Variants in TRPM3 observed in about 807,000 individuals in gnomAD.
TRPM3 encodes the protein long transient receptor potential channel 3.
A neutral mutation model predicts 181.2 loss-of-function variants in TRPM3; 77 were observed. The observed-to-expected ratio is 0.42, with a 90% CI of 0.35 to 0.51. TRPM3 has a LOEUF of 0.51. Ranked by LOEUF, TRPM3 falls within the 20% of genes least tolerant of loss-of-function variation. The probability of loss-of-function intolerance (pLI) is 0.01; values close to 1 mark genes in which losing one functional copy is unlikely to be tolerated. For synonymous variants in TRPM3, 745 were observed against 796.4 expected, an observed-to-expected ratio of 0.94 and a Z score of 1.09; for missense variants, 1,759 against 2,196.7, an observed-to-expected ratio of 0.80 and a Z score of 3.98.
intron 1 of TRPM3, among the ~76,000 whole-genome samples, chr9:71,325,137 T>TCTCACATAC (rs2089571334): frequency 6.6e-6 from 1 of 152,110 alleles, no homozygotes; most frequent in Non-Finnish European, 1.5e-5. Flanking sequence ...TAAAAAAATT[T>TCTCACATAC]CTCACATACC....
At chr9:71,366,474 G>A (rs2092338543) in intron 1 of TRPM3, among the ~76,000 whole-genome samples, 1 of 152,116 alleles carries the variant, frequency 6.6e-6, no homozygotes, top group Non-Finnish European at 1.5e-5. Flanking sequence ...GGTCAAGGTG[G>A]TATGAGGGTA....
At chr9:70,571,978 G>A (rs35107713) in intron 22 of TRPM3, among the ~76,000 whole-genome samples, 2 of 135,306 alleles carry the variant, frequency 1.5e-5, no homozygotes, top group African/African-American at 5.1e-5. Context: ...CATCTTGACT[G>A]TTGGCATTTG....
chr9:70,546,675 G>A lies in TRPM3; in HGVS notation c.3707+2867C>T, dbSNP rs1447315865. Among the ~76,000 whole-genome samples, 12 of 133,550 alleles carry A rather than the reference G, an allele frequency of 9.0e-5. 1 individual carries two copies. The South Asian group carries it at 1.1e-3, about 13-fold the overall frequency. 87.6% of individuals were successfully genotyped at this position (133,550 alleles called of 152,430 possible). A position where few individuals can be genotyped will look rare whatever the true frequency, so the allele number is the denominator to read the frequency against. On this transcript the variant is annotated intron_variant, in intron 25 of 25. Coordinates refer to ENST00000677713, the MANE Select transcript of TRPM3 (RefSeq NM_001366145.2). ...AGCCAAGAGTCCACAACTCCTCATC[G>A]GAAAAAAAAAAAAAAAAAAGCCAGT...
chr9:70,957,376 C>A (rs1023012107), intron 1 of TRPM3, among the ~76,000 whole-genome samples: 1 of 152,146 alleles, frequency 6.6e-6, no homozygotes, highest in Non-Finnish European at 1.5e-5. Flanking sequence ...CCACTGAGCA[C>A]TTATGAAGCA....
intron 1 of TRPM3, among the ~76,000 whole-genome samples, chr9:70,921,888 C>A (rs1216442436): frequency 1.3e-5 from 2 of 149,130 alleles, no homozygotes; most frequent in African/African-American, 5.0e-5. Context: ...AATTTCCCAA[C>A]GGAGCTTTAA....
intron 1 of TRPM3, among the ~76,000 whole-genome samples, chr9:71,026,946 C>T (rs1291377002): frequency 1.3e-5 from 2 of 152,074 alleles, no homozygotes; most frequent in African/African-American, 4.8e-5. Flanking sequence ...CAGCACCCTG[C>T]TGCTGCTGCT....
chr9:71,341,669 T>TAA lies in TRPM3; in HGVS notation c.183+104982_183+104983dup, dbSNP rs55885675. Among the ~76,000 whole-genome samples the TAA allele has an allele frequency of 6.0e-4, 91 of 150,512 alleles. 1 individual carries two copies. The highest frequency in any genetic ancestry group is 1.9e-3 in the African/African-American group (78 of 40,608). The stretch of plus-strand genomic sequence containing the variant: ...ATCCTGGAAAAGAAAAAGAAACTAG[T>TAA]AAAAAAAAAAAAAGAAAAAACTGGT... On this transcript the variant is annotated intron_variant, in intron 1 of 24. Transcript: ENST00000357533.
At chr9:71,260,171 G>C (rs748227419) in intron 1 of TRPM3, among the ~76,000 whole-genome samples, 5 of 152,118 alleles carry the variant, frequency 3.3e-5, no homozygotes, top group Non-Finnish European at 7.4e-5. Flanking sequence ...TGTCAGGTTT[G>C]TCAAAGATCA....
chr9:70,656,521 G>A (rs1455384482), intron 9 of TRPM3, among the ~76,000 whole-genome samples: 1 of 146,478 alleles, frequency 6.8e-6, no homozygotes, highest in Non-Finnish European at 1.5e-5. Flanking sequence ...CAGCTTGGAG[G>A]TTAGAAGCCA....
intron 1 of TRPM3, among the ~76,000 whole-genome samples, chr9:71,425,209 C>G (rs1264634944): frequency 2.6e-5 from 4 of 152,100 alleles, no homozygotes; most frequent in African/African-American, 9.7e-5. Context: ...TAATTAACAT[C>G]ATGTGTTCAT....
chr9:71,331,833 AGAG>A (rs2090171378), intron 1 of TRPM3, among the ~76,000 whole-genome samples: 1 of 3,568 alleles, frequency 2.8e-4, no homozygotes, highest in Non-Finnish European at 5.8e-4. Context: ...AAGGAAGAGG[AGAG>A]GGAGGAGGAG....
chr9:71,071,288 G>A (rs990299726), intron 1 of TRPM3, among the ~76,000 whole-genome samples: 2 of 152,130 alleles, frequency 1.3e-5, no homozygotes, highest in African/African-American at 4.8e-5. Flanking sequence ...GCCCTGGACT[G>A]TTCCTCAAGA....
At chr9:71,107,508 AG>A (rs1249378324) in intron 1 of TRPM3, among the ~76,000 whole-genome samples, 9 of 152,198 alleles carry the variant, frequency 5.9e-5, no homozygotes, top group Non-Finnish European at 1.3e-4. Flanking sequence ...TTCCAATATT[AG>A]CTCCTTTTGA....
chr9:71,262,277 C>T (rs768428057), intron 1 of TRPM3, among the ~76,000 whole-genome samples: 5 of 152,234 alleles, frequency 3.3e-5, no homozygotes, highest in Non-Finnish European at 7.4e-5. Context: ...GGGTGGGCTC[C>T]AACCTGTCCG....
intron 1 of TRPM3, among the ~76,000 whole-genome samples, chr9:71,021,137 T>C (rs892481867): frequency 6.6e-6 from 1 of 152,138 alleles, no homozygotes; most frequent in Non-Finnish European, 1.5e-5. Flanking sequence ...AAGACTAATA[T>C]TGTATCTCTC....
At chr9:70,623,838 TG>T (rs1274851227) in intron 14 of TRPM3, among the ~76,000 whole-genome samples, 1 of 151,642 alleles carries the variant, frequency 6.6e-6, no homozygotes, top group Non-Finnish European at 1.5e-5. Context: ...AATGCACTTA[TG>T]CGATTGTTTG....
Position 70,534,141 on chromosome 9 carries a change from A to G in TRPM3, c.*1812T>C, listed in dbSNP as rs1053256529. The G allele has an allele frequency of 2.0e-5, 3 of 152,316 alleles. No homozygotes were observed. The highest frequency in any genetic ancestry group is 1.9e-4 in the East Asian group (1 of 5,188). The allele number at this position is 152,316 out of a possible 1,614,324, so 9.4% of individuals were successfully genotyped here. A position where few individuals can be genotyped will look rare whatever the true frequency, so the allele number is the denominator to read the frequency against. ...TCCAATCCAGATTCTGATCTAGAAG[A>G]TTATGCCTCTACTTTAGAGTCTGTA... On this transcript the variant is annotated 3_prime_UTR_variant, in exon 26 of 26. Coordinates refer to ENST00000677713, the MANE Select transcript of TRPM3 (RefSeq NM_001366145.2).
At chr9:71,333,600 C>G (rs568866037) in intron 1 of TRPM3, among the ~76,000 whole-genome samples, 1 of 151,882 alleles carries the variant, frequency 6.6e-6, no homozygotes, top group Non-Finnish European at 1.5e-5. Context: ...CTCTAAGGAA[C>G]GGAATTCCTC....
intron 1 of TRPM3, among the ~76,000 whole-genome samples, chr9:70,956,795 A>C (rs1193302071): frequency 6.6e-6 from 1 of 151,944 alleles, no homozygotes; most frequent in African/African-American, 2.4e-5. Flanking sequence ...CTGAGGCAGG[A>C]GGATCACTTG....
Sources: gnomAD v4.1 joint callset for allele counts (sites outside exome capture counted in the v4.1 genomes callset) on GRCh38, gnomAD v4.1.1 for gene constraint, MANE v1.5 for transcripts, NCBI Gene and HGNC (gene_info 2026-07-23, HGNC 2026-07-21) for gene names.